Variants in XRCC4 observed in about 807,000 individuals in gnomAD.
XRCC4 encodes the protein DNA repair protein XRCC4.
XRCC4 carries 28 observed loss-of-function variants against 39.1 expected under a neutral mutation model. That is an observed-to-expected ratio of 0.72 (90% CI 0.53 to 0.98). The LOEUF (loss-of-function observed/expected upper bound fraction) is 0.98. Among genes scored for constraint, XRCC4 ranks in the 50% least tolerant of loss-of-function variants. The pLI, the probability that XRCC4 is intolerant of heterozygous loss-of-function variation, is 0.00. For synonymous variants in XRCC4, 123 were observed against 126.4 expected (o/e 0.97, Z 0.18); for missense variants, 350 against 376.4 (o/e 0.93, Z 0.58).
intron 3 of XRCC4, among the ~76,000 whole-genome samples, chr5:83,138,442 A>G (rs1428066862): frequency 6.6e-6 from 1 of 152,080 alleles, no homozygotes; most frequent in Non-Finnish European, 1.5e-5. Flanking sequence ...TACTTTATCA[A>G]ATATGTTTGC....
At chr5:83,251,747 GACTT>G (rs1243819992) in intron 6 of XRCC4, among the ~76,000 whole-genome samples, 4 of 152,118 alleles carry the variant, frequency 2.6e-5, no homozygotes, top group Non-Finnish European at 5.9e-5. Flanking sequence ...CATTAAGTCT[GACTT>G]ATAGCTGTAC....
At chr5:83,299,261 G>A (rs1369135693) in intron 7 of XRCC4, among the ~76,000 whole-genome samples, 1 of 152,018 alleles carries the variant, frequency 6.6e-6, no homozygotes, top group African/African-American at 2.4e-5. Flanking sequence ...TGAGAAGTTG[G>A]CCAACAGTTT....
At chr5:83,357,639 T>A (rs899033920), downstream of XRCC4, among the ~76,000 whole-genome samples, 1 of 152,182 alleles carries the variant, frequency 6.6e-6, no homozygotes, top group Non-Finnish European at 1.5e-5. Flanking sequence ...GGTATTTTAG[T>A]AGTGTGAACA....
chr5:83,368,590 G>C, the XRCC4 span, among the ~76,000 whole-genome samples: 1 of 152,178 alleles, frequency 6.6e-6, no homozygotes, highest in Non-Finnish European at 1.5e-5. Flanking sequence ...CAGCAGAAGG[G>C]AGTGGGCTCC....
At position 83,270,329 on chromosome 5, in the gene XRCC4, A is replaced by G. The variant is rs568949067; in HGVS notation, c.893+11652A>G. ...GACCACTGGTCTATACAGCAACTAA[A>G]GCCTTAAATTTAAGAGTTATCTTTA... On this transcript the variant is annotated intron_variant, in intron 7 of 7. Transcript: ENST00000396027. Among the ~76,000 whole-genome samples the G allele has an allele frequency of 3.3e-5, 5 of 152,328 alleles. No homozygotes were observed. The South Asian group carries it at 1.0e-3, about 32-fold the overall frequency.
intron 3 of XRCC4, among the ~76,000 whole-genome samples, chr5:83,142,837 T>A (rs1023794238): frequency 1.3e-5 from 2 of 152,228 alleles, no homozygotes; most frequent in Non-Finnish European, 2.9e-5. Flanking sequence ...GTGATGTTAT[T>A]TTTATTTGCT....
chr5:83,202,780 T>C (rs992632934), intron 4 of XRCC4, among the ~76,000 whole-genome samples: 1 of 152,174 alleles, frequency 6.6e-6, no homozygotes, highest in African/African-American at 2.4e-5. Flanking sequence ...TGTATGCATA[T>C]ATTAAGTATA....
chr5:83,315,845 C>CT, intron 7 of XRCC4, among the ~76,000 whole-genome samples: 1 of 152,234 alleles, frequency 6.6e-6, no homozygotes, highest in Admixed American at 6.6e-5. Flanking sequence ...TTCATGCCTG[C>CT]TAACACAACA....
At chr5:83,287,328 C>T (rs772365125) in intron 7 of XRCC4, among the ~76,000 whole-genome samples, 6 of 151,856 alleles carry the variant, frequency 4.0e-5, no homozygotes, top group Non-Finnish European at 8.8e-5. Flanking sequence ...TCTTGGTTTA[C>T]AAACAATCTA....
At chr5:83,079,043 A>G (rs1163925096) in intron 1 of XRCC4, among the ~76,000 whole-genome samples, 1 of 152,182 alleles carries the variant, frequency 6.6e-6, no homozygotes, top group Non-Finnish European at 1.5e-5. Flanking sequence ...GATTGTCTTG[A>G]TCTTTGTTAC....
At position 83,204,919 on chromosome 5, in the gene XRCC4, C is replaced by T. The variant is rs780603098; in HGVS notation, c.743C>T (p.Ser248Leu). The change falls in exon 6 of 8, where the codon TCA (serine) becomes TTA (leucine). Residue 248 changes from serine (S) to leucine (L), a missense_variant and splice_region_variant. Coordinates refer to ENST00000396027, the MANE Select transcript of XRCC4 (RefSeq NM_003401.5). ...ENQTDLSGLASAAVSKDDSII... is the reference protein window; with the variant it reads ...ENQTDLSGLALAAVSKDDSII... Reference sequence around the variant, plus strand: ...CAAACTGATCTCTCTGGGTTGGCTTCAGGTAAGAGATACATACATTTATCT... The same window carrying T: ...CAAACTGATCTCTCTGGGTTGGCTTTAGGTAAGAGATACATACATTTATCT... The T allele has an allele frequency of 6.2e-7, 1 of 1,605,172 alleles. No homozygotes were observed. The highest frequency in any genetic ancestry group is 8.5e-7 in the Non-Finnish European group (1 of 1,173,034).
At chr5:83,095,193 A>G (rs1745619945) in intron 1 of XRCC4, among the ~76,000 whole-genome samples, 1 of 152,064 alleles carries the variant, frequency 6.6e-6, no homozygotes, top group Admixed American at 6.6e-5. Context: ...CTTTGCTCTG[A>G]ATTTTTTTGG....
At chr5:83,119,498 A>G (rs1373767429) in intron 3 of XRCC4, among the ~76,000 whole-genome samples, 1 of 152,204 alleles carries the variant, frequency 6.6e-6, no homozygotes, top group South Asian at 2.1e-4. Context: ...ATTAAATTTT[A>G]TAATTTGAAA....
At chr5:83,139,704 G>A (rs1371503227) in intron 3 of XRCC4, among the ~76,000 whole-genome samples, 1 of 152,136 alleles carries the variant, frequency 6.6e-6, no homozygotes, top group Non-Finnish European at 1.5e-5. Flanking sequence ...TTGCTCCAAG[G>A]CTACAAACCC....
At chr5:83,324,015 T>A (rs1429771214) in intron 7 of XRCC4, among the ~76,000 whole-genome samples, 1 of 152,094 alleles carries the variant, frequency 6.6e-6, no homozygotes, top group African/African-American at 2.4e-5. Flanking sequence ...TTGCCACAGT[T>A]TTCATCAGAT....
At chr5:83,135,039 AG>A (rs763114891) in intron 3 of XRCC4, among the ~76,000 whole-genome samples, 4 of 152,230 alleles carry the variant, frequency 2.6e-5, no homozygotes, top group Admixed American at 6.5e-5. Context: ...ACTCACCGCG[AG>A]GGTCCGCAGC....
At chr5:83,107,206 A>G (rs1174680429) in intron 2 of XRCC4, among the ~76,000 whole-genome samples, 1 of 152,008 alleles carries the variant, frequency 6.6e-6, no homozygotes, top group Non-Finnish European at 1.5e-5. Flanking sequence ...TTTCTTGTTT[A>G]CATATCAGGG....
intron 7 of XRCC4, among the ~76,000 whole-genome samples, chr5:83,323,895 A>C (rs2112141529): frequency 6.6e-6 from 1 of 152,222 alleles, no homozygotes; most frequent in Non-Finnish European, 1.5e-5. Flanking sequence ...GTGATTTAGC[A>C]ATGAAACCAA....
chr5:83,274,482 G>T (rs1264004317), intron 7 of XRCC4, among the ~76,000 whole-genome samples: 1 of 152,164 alleles, frequency 6.6e-6, no homozygotes, highest in African/African-American at 2.4e-5. Context: ...GAGGATAGAA[G>T]ACATGGTGGG....
Sources: gnomAD v4.1 joint callset for allele counts (sites outside exome capture counted in the v4.1 genomes callset) on GRCh38, gnomAD v4.1.1 for gene constraint, MANE v1.5 for transcripts, NCBI Gene and HGNC (gene_info 2026-07-23, HGNC 2026-07-21) for gene names.